Variants in LINGO1 observed in about 807,000 individuals in gnomAD.
The protein encoded by LINGO1 is leucine rich repeat and Ig domain containing 1.
LINGO1 carries 11 observed loss-of-function variants against 37.3 expected under a neutral mutation model. The observed-to-expected ratio is 0.29, with a 90% CI of 0.19 to 0.49. The LOEUF (loss-of-function observed/expected upper bound fraction) is 0.49, where lower values mean the gene tolerates loss of function less well. Ranked by LOEUF, LINGO1 falls within the 20% of genes least tolerant of loss-of-function variation. LINGO1 has a pLI of 0.99. For missense variants in LINGO1, 585 were observed against 878.2 expected (o/e 0.67, Z 4.22); for synonymous variants, 387 against 403.0 (o/e 0.96, Z 0.48).
At chr15:77,744,648 G>A (rs1485000506) in intron 1 of LINGO1, among the ~76,000 whole-genome samples, 1 of 152,232 alleles carries the variant, frequency 6.6e-6, no homozygotes, top group East Asian at 1.9e-4. Flanking sequence ...AACACGACAA[G>A]ACTGTGAGCT....
intron 3 of LINGO1, among the ~76,000 whole-genome samples, chr15:77,646,872 A>G (rs2074643580): frequency 1.3e-5 from 2 of 152,298 alleles, no homozygotes; most frequent in East Asian, 3.9e-4. Flanking sequence ...GACAGCAGAC[A>G]CCAGGGCCGG....
At chr15:77,658,223 G>A (rs1408928980) in intron 3 of LINGO1, among the ~76,000 whole-genome samples, 2 of 152,242 alleles carry the variant, frequency 1.3e-5, no homozygotes, top group Non-Finnish European at 2.9e-5. Context: ...GAGCTGGGCA[G>A]TAGCTCTTCT....
intron 2 of LINGO1, among the ~76,000 whole-genome samples, chr15:77,721,200 C>A (rs910680099): frequency 6.6e-6 from 1 of 152,118 alleles, no homozygotes; most frequent in Admixed American, 6.5e-5. Flanking sequence ...CGCTTCATGG[C>A]CCTCGTGAGA....
intron 1 of LINGO1, among the ~76,000 whole-genome samples, chr15:77,805,356 C>A (rs950785813): frequency 6.6e-6 from 1 of 152,178 alleles, no homozygotes; most frequent in Non-Finnish European, 1.5e-5. Flanking sequence ...GAACAGAGAC[C>A]TTCCACCCAC....
chr15:77,737,839 A>G lies in LINGO1; in HGVS notation c.-256-2786T>C, dbSNP rs1358125952. ...CCTCTTACCTAACTTCCCTCCAAGC[A>G]TCCGAGGCCCCAGGGCTCACCAGGA... On this transcript the variant is annotated intron_variant, in intron 1 of 3. Coordinates refer to the LINGO1 transcript ENST00000561686. Among the ~76,000 whole-genome samples, 8 of 151,336 alleles carry G rather than the reference A, an allele frequency of 5.3e-5. No homozygotes were observed. The South Asian group carries it at 1.7e-3, about 32-fold the overall frequency.
At chr15:77,806,003 G>A (rs2076956579) in intron 1 of LINGO1, among the ~76,000 whole-genome samples, 1 of 152,164 alleles carries the variant, frequency 6.6e-6, no homozygotes, top group Non-Finnish European at 1.5e-5. Flanking sequence ...GGGCTTTGGC[G>A]GGAGTGGGGA....
At chr15:77,645,691 G>A (rs971024422) in intron 3 of LINGO1, among the ~76,000 whole-genome samples, 5 of 152,160 alleles carry the variant, frequency 3.3e-5, no homozygotes, top group Admixed American at 6.5e-5. Flanking sequence ...TCCCATACAC[G>A]TCTTCCCAGT....
upstream of LINGO1, among the ~76,000 whole-genome samples, chr15:77,634,746 C>T (rs875035): frequency 6.6e-6 from 1 of 152,198 alleles, no homozygotes. Context: ...CTGGACCCCT[C>T]CCCAGACTCC....
chr15:77,684,621 C>G (rs1178632024), intron 2 of LINGO1, among the ~76,000 whole-genome samples: 1 of 152,246 alleles, frequency 6.6e-6, no homozygotes, highest in Non-Finnish European at 1.5e-5. Context: ...CCAAGCCAGC[C>G]AGGACTAAAT....
intron 2 of LINGO1, among the ~76,000 whole-genome samples, chr15:77,722,534 T>A (rs1431149601): frequency 6.6e-6 from 1 of 152,222 alleles, no homozygotes; most frequent in Non-Finnish European, 1.5e-5. Flanking sequence ...GCCTCAAGTT[T>A]CCTCATCTAT....
rs114125083 is a variant in LINGO1, at chr15:77,722,373, C to T, written c.-195+12619G>A. Among the ~76,000 whole-genome samples, 825 of 152,316 alleles carry T rather than the reference C, an allele frequency of 5.4e-3. 8 individuals carry two copies. Among genetic ancestry groups the T allele is most frequent in the African/African-American group, 0.019 (785 of 41,568 alleles). On this transcript the variant is annotated intron_variant, in intron 2 of 3. Transcript: ENST00000561686. Reference sequence around the variant, plus strand: ...CCCTAGGGCCACAGGGCGTGGCAACCCTCTGGAGATGGCAGGAGGCAAGCT... The same window carrying T: ...CCCTAGGGCCACAGGGCGTGGCAACTCTCTGGAGATGGCAGGAGGCAAGCT...
chr15:77,764,392 A>G (rs1419671223), intron 1 of LINGO1, among the ~76,000 whole-genome samples: 1 of 152,252 alleles, frequency 6.6e-6, no homozygotes, highest in Admixed American at 6.5e-5. Flanking sequence ...ACAACGGGAA[A>G]AGACAAGCCA....
rs969102734 is a variant in LINGO1, at chr15:77,756,519, C to T, written c.-256-21466G>A. ...ACACACACACACACACACACACACA[C>T]ATTCCTGCACACAAGGTACCATAAA... On this transcript the variant is annotated intron_variant, in intron 1 of 3. Transcript: ENST00000561686. Among the ~76,000 whole-genome samples, 4 of 146,438 alleles carry T rather than the reference C, an allele frequency of 2.7e-5. No homozygotes were observed. The South Asian group carries it at 6.5e-4, about 24-fold the overall frequency.
At chr15:77,812,673 C>A (rs1350547917) in intron 1 of LINGO1, among the ~76,000 whole-genome samples, 1 of 144,986 alleles carries the variant, frequency 6.9e-6, no homozygotes, top group Non-Finnish European at 1.5e-5. Context: ...CCAGCTGACC[C>A]TCGCCAACAA....
chr15:77,805,128 G>C (rs757789235), intron 1 of LINGO1, among the ~76,000 whole-genome samples: 1 of 152,220 alleles, frequency 6.6e-6, no homozygotes, highest in Non-Finnish European at 1.5e-5. Context: ...GTCCCCCTTG[G>C]ACAACTCTGT....
intron 2 of LINGO1, among the ~76,000 whole-genome samples, chr15:77,682,372 C>T (rs1042522793): frequency 1.3e-5 from 2 of 149,828 alleles, no homozygotes; most frequent in Non-Finnish European, 3.0e-5. Flanking sequence ...AACCAGACAC[C>T]CACGGGGCCA....
chr15:77,646,511 G>A (rs72546308), intron 3 of LINGO1: 7,988 of 451,338 alleles, frequency 0.018, 90 homozygotes, highest in Non-Finnish European at 0.026. Flanking sequence ...CCCCAAATAC[G>A]GTAAGTCTGT....
At chr15:77,619,356 G>A (rs2073846749) in intron 1 of LINGO1, among the ~76,000 whole-genome samples, 1 of 152,154 alleles carries the variant, frequency 6.6e-6, no homozygotes. Context: ...ACTGAGCAAT[G>A]AGAGACCTGA....
upstream of LINGO1, among the ~76,000 whole-genome samples, chr15:77,638,884 G>C (rs745325924): frequency 1.3e-5 from 2 of 152,160 alleles, no homozygotes; most frequent in Non-Finnish European, 2.9e-5. Flanking sequence ...TGGATCAGTG[G>C]ACCCACTTTT....
Sources: allele counts gnomAD v4.1 joint callset (sites outside exome capture counted in the v4.1 genomes callset), GRCh38; gene constraint gnomAD v4.1.1; transcripts MANE v1.5; gene names NCBI Gene and HGNC (gene_info 2026-07-23, HGNC 2026-07-21).